NKAIN2: variants seen among roughly 807,000 people sequenced by gnomAD.
The protein encoded by NKAIN2 is sodium/potassium transporting ATPase interacting 2, also known as sodium/potassium-transporting ATPase subunit beta-1-interacting protein 2.
In NKAIN2, 14 loss-of-function variants were observed where a neutral mutation model predicts 32.6. The ratio of observed to expected loss-of-function variants is 0.43; its 90% CI spans 0.28 to 0.67. The LOEUF (loss-of-function observed/expected upper bound fraction) is 0.67, where lower values mean the gene tolerates loss of function less well. Among genes scored for constraint, NKAIN2 ranks in the 30% least tolerant of loss-of-function variants. The pLI is 0.17. For missense variants in NKAIN2, 198 were observed against 258.3 expected (o/e 0.77, Z 1.60); for synonymous variants, 80 against 87.2 (o/e 0.92, Z 0.46).
At chr6:124,720,363 T>A (rs116867453) in intron 4 of NKAIN2, among the ~76,000 whole-genome samples, 2,382 of 152,298 alleles carry the variant, frequency 0.016, 31 homozygotes, top group Middle Eastern at 0.034. Flanking sequence ...GTTGTTGTTT[T>A]TATTTTTGCT....
chr6:124,219,710 G>A (rs751305197), intron 1 of NKAIN2, among the ~76,000 whole-genome samples: 2 of 152,076 alleles, frequency 1.3e-5, no homozygotes, highest in Middle Eastern at 3.2e-3. Flanking sequence ...AGAACCTATA[G>A]GAAGAAGGTA....
At chr6:124,758,578 G>T (rs552694872) in intron 4 of NKAIN2, among the ~76,000 whole-genome samples, 1 of 152,086 alleles carries the variant, frequency 6.6e-6, no homozygotes, top group African/African-American at 2.4e-5. Context: ...AAGACACTCC[G>T]GAAGCCACTG....
chr6:124,305,960 T>C (rs1255819690), intron 2 of NKAIN2, among the ~76,000 whole-genome samples: 1 of 152,168 alleles, frequency 6.6e-6, no homozygotes, highest in East Asian at 1.9e-4. Context: ...CTCTGTTTTA[T>C]ATTTAATTTC....
chr6:124,426,027 T>G (rs1212822933), intron 3 of NKAIN2, among the ~76,000 whole-genome samples: 1 of 152,194 alleles, frequency 6.6e-6, no homozygotes, highest in East Asian at 1.9e-4. Flanking sequence ...TCATGTAACC[T>G]AGACTCTTTG....
At chr6:124,043,952 A>G (rs1012623033) in intron 1 of NKAIN2, among the ~76,000 whole-genome samples, 2 of 152,082 alleles carry the variant, frequency 1.3e-5, no homozygotes, top group South Asian at 4.1e-4. Flanking sequence ...AAAGGTAGGA[A>G]CTATGTATTA....
intron 3 of NKAIN2, among the ~76,000 whole-genome samples, chr6:124,647,958 A>T (rs1261652744): frequency 1.3e-5 from 2 of 152,242 alleles, no homozygotes; most frequent in East Asian, 3.8e-4. Flanking sequence ...AAGAGAAATT[A>T]TACCAATACT....
chr6:124,772,226 T>G (rs1263118922), intron 4 of NKAIN2, among the ~76,000 whole-genome samples: 1 of 152,186 alleles, frequency 6.6e-6, no homozygotes, highest in African/African-American at 2.4e-5. Context: ...TAATTGAGTT[T>G]ATGGTCTTAG....
At chr6:124,760,057 C>A (rs974265876) in intron 4 of NKAIN2, among the ~76,000 whole-genome samples, 1 of 151,958 alleles carries the variant, frequency 6.6e-6, no homozygotes, top group African/African-American at 2.4e-5. Context: ...CAGAGAATGG[C>A]CCTGTTAAAA....
intron 5 of NKAIN2, among the ~76,000 whole-genome samples, chr6:124,798,842 G>GA (rs1186735308): frequency 2.0e-5 from 3 of 152,152 alleles, no homozygotes; most frequent in African/African-American, 7.2e-5. Context: ...ATTCACTCAG[G>GA]ATGGAAGAAT....
rs150907943 is a variant in NKAIN2, at chr6:124,533,973, C to T, written c.274-124213C>T. 4.2e-3 allele frequency among the ~76,000 whole-genome samples: 642 copies of T among 152,220 alleles called. 4 individuals are homozygous for T. Among genetic ancestry groups the T allele is most frequent in the African/African-American group, 0.013 (554 of 41,520 alleles). ...ATTCATGAGGATTTCACCATCATGA[C>T]CTGATCACCTCCCAAAGATCCACTT... On this transcript the variant is annotated intron_variant, in intron 3 of 6. Transcript: ENST00000368417.
intron 1 of NKAIN2, among the ~76,000 whole-genome samples, chr6:123,918,153 G>A (rs920184140): frequency 3.3e-5 from 5 of 152,048 alleles, no homozygotes; most frequent in African/African-American, 1.2e-4. Flanking sequence ...GAGACATATT[G>A]TTAGCTTGAA....
At chr6:124,635,212 C>G (rs181845144) in intron 3 of NKAIN2, among the ~76,000 whole-genome samples, 13 of 151,906 alleles carry the variant, frequency 8.6e-5, no homozygotes, top group Admixed American at 2.6e-4. Flanking sequence ...ACCATCAGAC[C>G]AGCCATACAA....
intron 4 of NKAIN2, among the ~76,000 whole-genome samples, chr6:124,673,571 A>G (rs193250602): frequency 1.3e-5 from 2 of 152,146 alleles, no homozygotes; most frequent in Admixed American, 6.6e-5. Flanking sequence ...TTGTTTAATA[A>G]TGGCCATCCT....
intron 2 of NKAIN2, among the ~76,000 whole-genome samples, chr6:124,334,359 T>C (rs186289399): frequency 8.5e-5 from 13 of 152,292 alleles, no homozygotes; most frequent in Non-Finnish European, 1.6e-4. Context: ...GACAGGAGAA[T>C]AGAGAGTTTA....
chr6:124,253,831 C>A (rs1213167741), intron 1 of NKAIN2, among the ~76,000 whole-genome samples: 1 of 134,144 alleles, frequency 7.5e-6, no homozygotes, highest in Non-Finnish European at 1.6e-5. Context: ...CAATGTTCTA[C>A]TTTTTTTTTT....
intron 4 of NKAIN2, among the ~76,000 whole-genome samples, chr6:124,677,902 T>G (rs960405956): frequency 6.6e-6 from 1 of 152,164 alleles, no homozygotes; most frequent in Admixed American, 6.5e-5. Flanking sequence ...GCAGGTCTAG[T>G]GGCCATAAAC....
At chr6:123,889,192 T>A (rs1458295015) in intron 1 of NKAIN2, among the ~76,000 whole-genome samples, 2 of 152,114 alleles carry the variant, frequency 1.3e-5, no homozygotes, top group East Asian at 3.9e-4. Flanking sequence ...TTGCAGCCCA[T>A]GATAGTGCAT....
intron 3 of NKAIN2, among the ~76,000 whole-genome samples, chr6:124,415,005 T>A (rs1465678569): frequency 6.6e-6 from 1 of 152,072 alleles, no homozygotes; most frequent in Admixed American, 6.5e-5. Context: ...TTTTCTATCG[T>A]CTCACTCAAC....
At chr6:124,653,134 T>C (rs963123069) in intron 3 of NKAIN2, among the ~76,000 whole-genome samples, 1 of 152,142 alleles carries the variant, frequency 6.6e-6, no homozygotes, top group African/African-American at 2.4e-5. Context: ...TTTATGGATG[T>C]TGGCAAACTG....
Sources: gnomAD v4.1 joint callset for allele counts (sites outside exome capture counted in the v4.1 genomes callset) on GRCh38, gnomAD v4.1.1 for gene constraint, MANE v1.5 for transcripts, NCBI Gene and HGNC (gene_info 2026-07-23, HGNC 2026-07-21) for gene names.